STK32B: variants seen among roughly 807,000 people sequenced by gnomAD.
STK32B encodes the protein serine/threonine kinase 32B.
Under a neutral mutation model 52.6 loss-of-function variants are expected in STK32B, and 43 were observed. The observed-to-expected ratio is 0.82, with a 90% CI of 0.64 to 1.05. The LOEUF (loss-of-function observed/expected upper bound fraction) is 1.05, where lower values mean the gene tolerates loss of function less well. Ranked by LOEUF, STK32B falls within the 50% of genes least tolerant of loss-of-function variation. The probability of loss-of-function intolerance (pLI) is 0.00; values close to 1 mark genes in which losing one functional copy is unlikely to be tolerated. For synonymous variants in STK32B, 238 were observed against 204.3 expected, an observed-to-expected ratio of 1.17 and a Z score of -1.41; for missense variants, 621 against 534.6, an observed-to-expected ratio of 1.16 and a Z score of -1.59.
chr4:5,287,547 G>A lies in STK32B; in HGVS notation c.261-43673G>A, dbSNP rs919498141. Reference sequence around the variant, plus strand: ...CACAATTTAAAAGATGGACATGAGTGTACAGTGAAATGTCTCCTTTTCATC... The same window carrying A: ...CACAATTTAAAAGATGGACATGAGTATACAGTGAAATGTCTCCTTTTCATC... On this transcript the variant is annotated intron_variant, in intron 3 of 11. Transcript: ENST00000282908. Among the ~76,000 whole-genome samples, 4 of 152,046 alleles carry A rather than the reference G, an allele frequency of 2.6e-5. 1 individual carries two copies. Among genetic ancestry groups the A allele is most frequent in the South Asian group, 4.1e-4 (2 of 4,822 alleles).
At chr4:5,140,856 AG>A (rs1213826939) in intron 2 of STK32B, among the ~76,000 whole-genome samples, 2 of 152,250 alleles carry the variant, frequency 1.3e-5, no homozygotes, top group Non-Finnish European at 2.9e-5. Context: ...GTTGATCAGT[AG>A]TAACCAAAAC....
At chr4:5,319,898 G>A (rs1560316697) in intron 3 of STK32B, among the ~76,000 whole-genome samples, 1 of 152,136 alleles carries the variant, frequency 6.6e-6, no homozygotes, top group Non-Finnish European at 1.5e-5. Context: ...CTCCCAGAAT[G>A]AGACCTCAGA....
At chr4:5,089,984 CAT>C (rs757864445) in intron 1 of STK32B, among the ~76,000 whole-genome samples, 4 of 152,066 alleles carry the variant, frequency 2.6e-5, no homozygotes, top group Non-Finnish European at 5.9e-5. Context: ...AGCTTTTTTT[CAT>C]ATGTTTGGTG....
At chr4:5,420,422 A>G (rs1442185420) in intron 6 of STK32B, among the ~76,000 whole-genome samples, 2 of 152,168 alleles carry the variant, frequency 1.3e-5, no homozygotes, top group South Asian at 2.1e-4. Flanking sequence ...AGAGAGATCA[A>G]CTGGGCGAGA....
At chr4:5,251,537 T>C (rs1725928631) in intron 3 of STK32B, among the ~76,000 whole-genome samples, 1 of 152,190 alleles carries the variant, frequency 6.6e-6, no homozygotes, top group African/African-American at 2.4e-5. Context: ...TTGTTCTTTT[T>C]GCTTAGTATT....
intron 3 of STK32B, among the ~76,000 whole-genome samples, chr4:5,260,166 T>C (rs1726614762): frequency 6.6e-6 from 1 of 152,186 alleles, no homozygotes; most frequent in Non-Finnish European, 1.5e-5. Flanking sequence ...TCTGCAAGAT[T>C]ATATTAAGTG....
chr4:5,148,892 T>A (rs977177709), intron 2 of STK32B, among the ~76,000 whole-genome samples: 3 of 151,828 alleles, frequency 2.0e-5, no homozygotes, highest in Non-Finnish European at 4.4e-5. Flanking sequence ...TTCTTATACG[T>A]TGAGATTTGT....
intron 3 of STK32B, among the ~76,000 whole-genome samples, chr4:5,244,441 A>G (rs1037812434): frequency 6.6e-6 from 1 of 151,958 alleles, no homozygotes; most frequent in African/African-American, 2.4e-5. Flanking sequence ...GTCATTTTTT[A>G]TTGCATCTAT....
intron 3 of STK32B, among the ~76,000 whole-genome samples, chr4:5,247,885 T>C (rs1725578816): frequency 6.6e-6 from 1 of 152,188 alleles, no homozygotes; most frequent in Non-Finnish European, 1.5e-5. Context: ...ACAGTCTCAG[T>C]TGCAGCTTTT....
chr4:5,328,715 G>C (rs951881980), intron 3 of STK32B, among the ~76,000 whole-genome samples: 1 of 152,212 alleles, frequency 6.6e-6, no homozygotes, highest in Non-Finnish European at 1.5e-5. Flanking sequence ...TACAAACTGA[G>C]CACATGCTAT....
chr4:5,374,488 A>G (rs540135092), intron 4 of STK32B, among the ~76,000 whole-genome samples: 2 of 152,336 alleles, frequency 1.3e-5, no homozygotes, highest in South Asian at 2.1e-4. Context: ...GTGACACAAT[A>G]CCTTAGACTG....
intron 1 of STK32B, among the ~76,000 whole-genome samples, chr4:5,087,093 A>G (rs1402620054): frequency 6.6e-6 from 1 of 152,204 alleles, no homozygotes; most frequent in African/African-American, 2.4e-5. Flanking sequence ...TGTTTTAAAA[A>G]TTGTATAAAG....
intron 1 of STK32B, among the ~76,000 whole-genome samples, chr4:5,127,348 A>G (rs1183788998): frequency 6.6e-6 from 1 of 152,218 alleles, no homozygotes; most frequent in African/African-American, 2.4e-5. Flanking sequence ...ATAACCAGGC[A>G]GCTCTTGAGT....
In STK32B at chr4:5,470,864, C is replaced by G. The variant is rs921870745; in HGVS notation, c.1106+2794C>G. Among the ~76,000 whole-genome samples the G allele has an allele frequency of 6.6e-6, 1 of 152,222 alleles. No individual in the cohort carries two copies. The highest frequency in any genetic ancestry group is 1.5e-5 in the Non-Finnish European group (1 of 68,038). On this transcript the variant is annotated intron_variant, in intron 11 of 11. Transcript: ENST00000282908. This position sits in a 1 kb window ranked among gnomAD's most constrained non-coding sequence, Gnocchi z 4.6. Reference sequence around the variant, plus strand: ...CACTTGAGTAGCTGGAAAATTAAATCGAGCACCTTCTTCCCCACTTGAGCA... The same window carrying G: ...CACTTGAGTAGCTGGAAAATTAAATGGAGCACCTTCTTCCCCACTTGAGCA...
At chr4:5,041,803 TC>T in the STK32B span, among the ~76,000 whole-genome samples, 4 of 102,124 alleles carry the variant, frequency 3.9e-5, no homozygotes, top group East Asian at 2.3e-3. Context: ...ACAGCCTTTA[TC>T]TTTTTTTTTT....
intron 2 of STK32B, among the ~76,000 whole-genome samples, chr4:5,147,111 T>C (rs1716972460): frequency 6.6e-6 from 1 of 152,214 alleles, no homozygotes. Context: ...TTGTCATTTT[T>C]AGGGTAGAGG....
chr4:5,275,548 C>T (rs1254514353), intron 3 of STK32B, among the ~76,000 whole-genome samples: 1 of 151,958 alleles, frequency 6.6e-6, no homozygotes, highest in Non-Finnish European at 1.5e-5. Flanking sequence ...CCCCTTGAAC[C>T]TTCTGTGAAT....
At chr4:5,364,125 C>T (rs1246641728) in intron 4 of STK32B, among the ~76,000 whole-genome samples, 2 of 152,130 alleles carry the variant, frequency 1.3e-5, no homozygotes, top group Admixed American at 1.3e-4. Context: ...AGTCTTAATG[C>T]CTTAGCACTG....
intron 3 of STK32B, among the ~76,000 whole-genome samples, chr4:5,170,134 A>C (rs1719241842): frequency 6.6e-6 from 1 of 152,082 alleles, no homozygotes. Context: ...GTTTCTAATT[A>C]TTTTGCCAAT....
Sources: allele counts gnomAD v4.1 joint callset (sites outside exome capture counted in the v4.1 genomes callset), GRCh38; gene constraint gnomAD v4.1.1; non-coding constraint Gnocchi (gnomAD v3.1); transcripts MANE v1.5; gene names NCBI Gene and HGNC (gene_info 2026-07-23, HGNC 2026-07-21).